GRIK5: variants seen among roughly 807,000 people sequenced by gnomAD.
GRIK5 encodes glutamate receptor ionotropic, kainate 5.
A neutral mutation model predicts 97.4 loss-of-function variants in GRIK5; 43 were observed. The observed-to-expected ratio is 0.44, with a 90% CI of 0.35 to 0.57. GRIK5 has a LOEUF of 0.57. Among genes scored for constraint, GRIK5 ranks in the 20% least tolerant of loss-of-function variants. GRIK5 has a pLI of 0.01. For synonymous variants in GRIK5, 580 were observed against 583.5 expected, an observed-to-expected ratio of 0.99 and a Z score of 0.09; for missense variants, 1,015 against 1,382.0, an observed-to-expected ratio of 0.73 and a Z score of 4.21.
At chr19:42,011,250 T>C (rs1020408281) in intron 15 of GRIK5, among the ~76,000 whole-genome samples, 1 of 151,968 alleles carries the variant, frequency 6.6e-6, no homozygotes, top group Non-Finnish European at 1.5e-5. Flanking sequence ...AATGGTATAA[T>C]GTTACTTGAA....
intron 17 of GRIK5, among the ~76,000 whole-genome samples, chr19:42,004,273 C>A (rs1225473106): frequency 1.3e-5 from 2 of 152,188 alleles, no homozygotes; most frequent in Non-Finnish European, 2.9e-5. Flanking sequence ...ACTTGGCATG[C>A]AGTTGGACAC....
At chr19:42,068,878 G>C (rs2076381060) in intron 1 of GRIK5, 1 of 685,186 alleles carries the variant, frequency 1.5e-6, no homozygotes, top group African/African-American at 1.8e-5. Flanking sequence ...CAGAGGATGA[G>C]GCTCAGAGGA....
At position 42,022,488 on chromosome 19, in the gene GRIK5, A is replaced by G. The variant is rs994587188; in HGVS notation, c.1474-134T>C. The G allele has an allele frequency of 8.1e-6, 12 of 1,477,760 alleles. No homozygotes were observed. The highest frequency in any genetic ancestry group is 1.1e-5 in the Non-Finnish European group (12 of 1,115,004). The allele number at this position is 1,477,760 out of a possible 1,614,324, so 91.5% of individuals were successfully genotyped here. A position where few individuals can be genotyped will look rare whatever the true frequency, so the allele number is the denominator to read the frequency against. ...AGAGAGGTAGGGAGGGGGAGGGGCC[A>G]GGAGCATGGACTGACTCCAGGAGCC... On this transcript the variant is annotated intron_variant, in intron 12 of 19. Transcript: ENST00000593562. The surrounding 1 kb of genome is among the most constrained non-coding windows in gnomAD (Gnocchi z 4.2).
chr19:42,017,144 C>A (rs1055516342), intron 15 of GRIK5, among the ~76,000 whole-genome samples: 7 of 152,224 alleles, frequency 4.6e-5, no homozygotes, highest in African/African-American at 1.4e-4. Context: ...AGCAAATCAT[C>A]ACGTTCACAG....
intron 15 of GRIK5, among the ~76,000 whole-genome samples, chr19:42,012,730 G>T (rs1321699492): frequency 1.3e-5 from 2 of 151,794 alleles, no homozygotes. Flanking sequence ...AGCCAGACTG[G>T]GTGGCACGTG....
chr19:42,044,133 T>C (rs926143776), intron 11 of GRIK5, among the ~76,000 whole-genome samples: 2 of 152,174 alleles, frequency 1.3e-5, no homozygotes, highest in African/African-American at 4.8e-5. Context: ...ACTCGGCACA[T>C]CTCTCTCCTG....
chr19:42,044,198 A>T (rs1184790107), intron 11 of GRIK5, among the ~76,000 whole-genome samples: 1 of 152,036 alleles, frequency 6.6e-6, no homozygotes, highest in Non-Finnish European at 1.5e-5. Flanking sequence ...ATGATTGTAA[A>T]TTTCCCAAGG....
At chr19:42,067,313 G>T (rs2076348253) in intron 1 of GRIK5, among the ~76,000 whole-genome samples, 1 of 152,238 alleles carries the variant, frequency 6.6e-6, no homozygotes, top group Non-Finnish European at 1.5e-5. Context: ...ACCTAGGCTG[G>T]GGATCAGTCC....
chr19:42,024,309 T>C (rs1050030903), intron 12 of GRIK5, among the ~76,000 whole-genome samples: 3 of 150,770 alleles, frequency 2.0e-5, no homozygotes, highest in African/African-American at 7.3e-5. Flanking sequence ...GCCTCCTGGG[T>C]TCAAGCAATT....
rs2075709842 is a variant in GRIK5, at chr19:42,022,324, T to C, written c.1504A>G (p.Ile502Val). Reference sequence around the variant, plus strand: ...ATGACCTTCTCCCGCTCAGCTGTGATGGTGAAGGCGGCCACAGCCAGGTCT... The same window carrying C: ...ATGACCTTCTCCCGCTCAGCTGTGACGGTGAAGGCGGCCACAGCCAGGTCT... The part of the protein sequence containing the change: ...KADLAVAAFT[I>V]TAEREKVIDF... The change falls in exon 13 of 20, where the codon ATC becomes GTC. Residue 502 changes from isoleucine to valine, a missense_variant. Transcript: ENST00000593562. The surrounding 1 kb of genome is among the most constrained non-coding windows in gnomAD (Gnocchi z 4.2). 6.2e-7 allele frequency: 1 copy of C among 1,613,792 alleles called. No individual in the cohort carries two copies.
At chr19:42,054,264 C>T in intron 9 of GRIK5, 56 bp downstream of exon 9, 1 of 1,555,128 alleles carries the variant, frequency 6.4e-7, no homozygotes, top group Non-Finnish European at 8.7e-7. Flanking sequence ...ACAGTGAGCG[C>T]TCCCACCTGA....
intron 15 of GRIK5, among the ~76,000 whole-genome samples, chr19:42,018,272 C>T (rs1194287085): frequency 8.3e-5 from 12 of 145,262 alleles, no homozygotes; most frequent in Non-Finnish European, 1.1e-4. Context: ...TGCAGTGAGC[C>T]GGGATCGCAC....
intron 15 of GRIK5, among the ~76,000 whole-genome samples, chr19:42,019,995 T>C (rs1463651013): frequency 6.6e-6 from 1 of 151,758 alleles, no homozygotes; most frequent in African/African-American, 2.4e-5. Context: ...GGGTTTTTTT[T>C]TTTTTTTTCA....
At position 42,053,693 on chromosome 19, in the gene GRIK5, G is replaced by C; in HGVS notation, c.1178C>G (p.Ser393Cys). ...QGHREIGVWY[S>C]NRTLAMNATT... ...GGCATTCATGGCCAGGGTGCGGTTAGAGTACCACACCCCAATCTAGGGGGC... is the reference window on the plus strand; with the variant it reads ...GGCATTCATGGCCAGGGTGCGGTTACAGTACCACACCCCAATCTAGGGGGC... The change falls in exon 11 of 20, where the codon TCT (serine) becomes TGT (cysteine). Residue 393 changes from serine to cysteine, a missense_variant. This residue lies in a region of GRIK5 where 477 missense variants were observed against 701.1 expected (regional missense o/e 0.68). Coordinates refer to ENST00000593562, the MANE Select transcript of GRIK5 (RefSeq NM_002088.5). 2 of 1,608,504 alleles carry C rather than the reference G, an allele frequency of 1.2e-6. No homozygotes were observed. Among genetic ancestry groups the C allele is most frequent in the Non-Finnish European group, 1.7e-6 (2 of 1,174,888 alleles).
intron 12 of GRIK5, among the ~76,000 whole-genome samples, chr19:42,040,382 C>T (rs1259879428): frequency 6.6e-6 from 1 of 152,200 alleles, no homozygotes; most frequent in Non-Finnish European, 1.5e-5. Flanking sequence ...GGGCTACTCC[C>T]TTGGAGCCTG....
At position 42,006,992 on chromosome 19, in the gene GRIK5, G is replaced by A. The variant is rs1417481696; in HGVS notation, c.1872-182C>T. Among the ~76,000 whole-genome samples, 6 of 152,198 alleles carry A rather than the reference G, an allele frequency of 3.9e-5. No individual in the cohort carries two copies. In the East Asian group the frequency reaches 1.2e-3, roughly 29 times the overall value. The stretch of plus-strand genomic sequence containing the variant: ...GCCAGACTTCCTGGTTGTAAATATT[G>A]CATCCGGAGACTTCTACTTCCAGAT... On this transcript the variant is annotated intron_variant, in intron 15 of 19. Transcript: ENST00000593562. The surrounding 1 kb of genome is among the most constrained non-coding windows in gnomAD (Gnocchi z 5.3).
In GRIK5 at chr19:42,060,374, T is replaced by A. The variant is rs376877751; in HGVS notation, c.509-847A>T. Among the ~76,000 whole-genome samples, 16 of 151,752 alleles carry A rather than the reference T, an allele frequency of 1.1e-4. No homozygotes were observed. The East Asian group carries it at 2.5e-3, about 24-fold the overall frequency. ...TGAGTTGGGCAACAAACACCGCAAA[T>A]AAATGCATTACATGGTTAGAAATAA... On this transcript the variant is annotated intron_variant, in intron 5 of 19. Coordinates refer to ENST00000593562, the MANE Select transcript of GRIK5 (RefSeq NM_002088.5).
At chr19:42,060,248 A>G (rs1019934035) in intron 5 of GRIK5, among the ~76,000 whole-genome samples, 2 of 152,132 alleles carry the variant, frequency 1.3e-5, no homozygotes, top group African/African-American at 2.4e-5. Context: ...TCTTTAAAAA[A>G]AAAAAAAAGG....
Position 42,059,333 on chromosome 19 carries a change from G to A in GRIK5, c.687+16C>T. 6.3e-7 allele frequency: 1 copy of A among 1,596,134 alleles called. No individual in the cohort carries two copies. Among genetic ancestry groups the A allele is most frequent in the Non-Finnish European group, 8.6e-7 (1 of 1,165,230 alleles). ...CTGGCCCCAGTCCTTTGGGAAATCAGAGGTAGGGGCCTCACCTTACGGAGG... is the reference window on the plus strand; with the variant it reads ...CTGGCCCCAGTCCTTTGGGAAATCAAAGGTAGGGGCCTCACCTTACGGAGG... On this transcript the variant is annotated intron_variant, in intron 6 of 19. Transcript: ENST00000593562.
Sources: allele counts gnomAD v4.1 joint callset (sites outside exome capture counted in the v4.1 genomes callset), GRCh38; gene constraint gnomAD v4.1.1; regional missense constraint gnomAD v4.1.1; non-coding constraint Gnocchi (gnomAD v3.1); transcripts MANE v1.5; gene names NCBI Gene and HGNC (gene_info 2026-07-23, HGNC 2026-07-21).